The following GABRD variants were observed in gnomAD, a reference collection of about 807,000 sequenced individuals.
The protein encoded by GABRD is gamma-aminobutyric acid type A receptor subunit delta, also known as gamma-aminobutyric acid receptor subunit delta.
GABRD carries 25 observed loss-of-function variants against 47.3 expected under a neutral mutation model. That is an observed-to-expected ratio of 0.53 (90% CI 0.39 to 0.74). The LOEUF (loss-of-function observed/expected upper bound fraction) is 0.74, where lower values mean the gene tolerates loss of function less well. GABRD is among the 30% of genes least tolerant of loss of function. The pLI is 0.00. For missense variants in GABRD, 497 were observed against 643.4 expected (o/e 0.77, Z 2.46); for synonymous variants, 314 against 278.8 (o/e 1.13, Z -1.26).
chr1:2,027,266 C>T lies in GABRD; in HGVS notation c.471-311C>T. 8.9e-6 allele frequency: 4 copies of T among 451,208 alleles called. No homozygotes were observed. The Admixed American group carries it at 1.0e-4, about 12-fold the overall frequency. 28.0% of individuals were successfully genotyped at this position (451,208 alleles called of 1,614,324 possible). ...AACTCTGGGCCTATTCCCGTGTGTT[C>T]CTCAGCCATCGCTCGGGCCAGGGCC... On this transcript the variant is annotated intron_variant, in intron 4 of 8. Coordinates refer to ENST00000378585, the MANE Select transcript of GABRD (RefSeq NM_000815.5).
chr1:2,024,013 C>G (rs1344506661), intron 1 of GABRD: 1 of 152,488 alleles, frequency 6.6e-6, no homozygotes, highest in Non-Finnish European at 1.5e-5. Flanking sequence ...ACCCCAATCT[C>G]TGCCTCCTCT....
chr1:2,028,843 G>T lies in GABRD; in HGVS notation c.692-268G>T, dbSNP rs1659004071. On this transcript the variant is annotated intron_variant, in intron 6 of 8. Coordinates refer to ENST00000378585, the MANE Select transcript of GABRD (RefSeq NM_000815.5). This position sits in a 1 kb window ranked among gnomAD's most constrained non-coding sequence, Gnocchi z 6.4. ...TGGTTGCGAGGGTCCCTCAGGGCCA[G>T]TCCAGCAAACATGAGGCCAGCAGTA... The T allele has an allele frequency of 3.7e-6, 2 of 545,842 alleles. No individual in the cohort carries two copies. Among genetic ancestry groups the T allele is most frequent in the Admixed American group, 3.3e-5 (1 of 29,898 alleles). 33.8% of individuals were successfully genotyped at this position (545,842 alleles called of 1,614,324 possible). A position where few individuals can be genotyped will look rare whatever the true frequency, so the allele number is the denominator to read the frequency against.
In GABRD at chr1:2,030,055, C is replaced by T. The variant is rs1259972227; in HGVS notation, c.1132C>T (p.Arg378Cys). Residue 378 changes from arginine (R) to cysteine (C), a missense_variant, in exon 9 of 9, where the codon CGC becomes TGC. Transcript: ENST00000378585. ...CGTCACGCAGGAGCTGGCCATCTCC[C>T]GCCGGCAGCGCCGCGTCCCGGGGAA... ...AGVTQELAIS[R>C]RQRRVPGNLM... The T allele has an allele frequency of 6.8e-6, 11 of 1,611,340 alleles. No individual in the cohort carries two copies. The highest frequency in any genetic ancestry group is 1.1e-5 in the South Asian group (1 of 90,900).
rs780649573 is a variant in GABRD at position 2,025,401 on chromosome 1, G to A, written c.249G>A (p.Met83Ile). 8 of 1,612,930 alleles carry A rather than the reference G, an allele frequency of 5.0e-6. No homozygotes were observed. The highest frequency in any genetic ancestry group is 6.8e-6 in the Non-Finnish European group (8 of 1,179,974). Residue 83 changes from methionine to isoleucine, a missense_variant and splice_region_variant, in exon 3 of 9, where the codon ATG (methionine) becomes ATA (isoleucine). Physicochemically the swap from Met to Ile is conservative, Grantham distance 10. Transcript: ENST00000378585. Reference sequence around the variant, plus strand: ...TCGACCACATCTCAGAGGCCAACATGGTAGGTGCCACCAGCCTCTGCCTCA... The same window carrying A: ...TCGACCACATCTCAGAGGCCAACATAGTAGGTGCCACCAGCCTCTGCCTCA... ...ASIDHISEAN[M>I]EYTMTVFLHQ... is the part of the protein sequence containing the mutation.
At position 2,028,807 on chromosome 1, in the gene GABRD, G is replaced by A. The variant is rs887874271; in HGVS notation, c.692-304G>A. 1.1e-5 allele frequency: 5 copies of A among 458,910 alleles called. No homozygotes were observed. The Admixed American group carries it at 2.0e-4, about 18-fold the overall frequency. 28.4% of individuals were successfully genotyped at this position (458,910 alleles called of 1,614,324 possible). A position where few individuals can be genotyped will look rare whatever the true frequency, so the allele number is the denominator to read the frequency against. ...GGAGTGTTAGGAGAGAAAGGGGTGA[G>A]CCCTCCCCATTGGTTGCGAGGGTCC... On this transcript the variant is annotated intron_variant, in intron 6 of 8. Coordinates refer to ENST00000378585, the MANE Select transcript of GABRD (RefSeq NM_000815.5). The surrounding 1 kb of genome is among the most constrained non-coding windows in gnomAD (Gnocchi z 6.4).
intron 7 of GABRD, 127 bp downstream of exon 7, chr1:2,029,393 A>AGCCGG: frequency 1.4e-6 from 2 of 1,399,504 alleles, no homozygotes; most frequent in Admixed American, 2.1e-5. Context: ...GGCAGTGGCC[A>AGCCGG]GCCGGGCCAG....
chr1:2,020,363 A>G (rs2102141799), intron 1 of GABRD, among the ~76,000 whole-genome samples: 1 of 152,368 alleles, frequency 6.6e-6, no homozygotes, highest in African/African-American at 2.4e-5. Context: ...CAGAAGAAAC[A>G]GCAAAGAGCC....
In GABRD at chr1:2,028,121, G is replaced by A. The variant is rs532726947; in HGVS notation, c.554-34G>A. The A allele has an allele frequency of 1.9e-6, 3 of 1,594,254 alleles. No individual in the cohort carries two copies. The East Asian group carries it at 6.8e-5, about 36-fold the overall frequency. The stretch of plus-strand genomic sequence containing the variant: ...TGCCAGGGCTCCCGGGGCAGGGCCG[G>A]GCTCTGCCGCCCACCTGTGTGCTTT... On this transcript the variant is annotated intron_variant, in intron 5 of 8. Transcript: ENST00000378585. This position sits in a 1 kb window ranked among gnomAD's most constrained non-coding sequence, Gnocchi z 6.4.
rs574548115 is a variant in GABRD at position 2,027,899 on chromosome 1, G to T, written c.553+240G>T. On this transcript the variant is annotated intron_variant, in intron 5 of 8. Coordinates refer to ENST00000378585, the MANE Select transcript of GABRD (RefSeq NM_000815.5). ...ATGGAGCCCAGACATGGCACGGATT[G>T]ATATTGTTGAGCCAGTGCAGCAGCC... 8.1e-6 allele frequency: 5 copies of T among 617,372 alleles called. No homozygotes were observed. The South Asian group carries it at 9.7e-5, about 12-fold the overall frequency. The allele number at this position is 617,372 out of a possible 1,614,324, so 38.2% of individuals were successfully genotyped here. A position where few individuals can be genotyped will look rare whatever the true frequency, so the allele number is the denominator to read the frequency against.
In GABRD at chr1:2,029,966, C is replaced by G. The variant is rs568243066; in HGVS notation, c.1060-17C>G. 19 of 1,611,554 alleles carry G rather than the reference C, an allele frequency of 1.2e-5. No individual in the cohort carries two copies. Among genetic ancestry groups the G allele is most frequent in the Admixed American group, 5.0e-5 (3 of 59,822 alleles). On this transcript the variant is annotated splice_polypyrimidine_tract_variant and intron_variant, in intron 8 of 8. Coordinates refer to ENST00000378585, the MANE Select transcript of GABRD (RefSeq NM_000815.5). ...CCCCAGTGCTCAGCCCTGTCTCCCC[C>G]ACCGGCCTTCGTGCAGATGGACGTG...
chr1:2,025,147 G>A, intron 2 of GABRD, 93 bp downstream of exon 2: 1 of 1,314,052 alleles, frequency 7.6e-7, no homozygotes, highest in Non-Finnish European at 1.1e-6. Flanking sequence ...CTGGCCTCTA[G>A]GCAAGGAAGC....
chr1:2,029,389 G>A (rs1659020731), intron 7 of GABRD, 123 bp downstream of exon 7: 1 of 1,417,894 alleles, frequency 7.1e-7, no homozygotes, highest in East Asian at 2.5e-5. Flanking sequence ...CTGGGGCAGT[G>A]GCCAGCCGGG....
In GABRD at chr1:2,030,230, C is replaced by T. The variant is rs1489037858; in HGVS notation, c.1307C>T (p.Pro436Leu). 1 of 1,567,206 alleles carries T rather than the reference C, an allele frequency of 6.4e-7. No homozygotes were observed. The part of the protein sequence containing the change: ...TIDIYARAVF[P>L]AAFAAVNVIY... ...GACATTTACGCCCGCGCTGTGTTCC[C>T]TGCGGCGTTTGCGGCCGTCAATGTC... Residue 436 changes from proline to leucine, a missense_variant, in exon 9 of 9, where the codon CCT becomes CTT. Physicochemically the swap from Pro to Leu is moderately conservative, Grantham distance 98. Around this residue, in one of 3 missense-constraint regions of GABRD, gnomAD observed 121 missense variants for 121.3 expected, o/e 1.00. Transcript: ENST00000378585.
chr1:2,025,207 G>A (rs1332307227), intron 2 of GABRD, 127 bp from the exon 3 acceptor site: 2 of 1,323,196 alleles, frequency 1.5e-6, no homozygotes, highest in Admixed American at 1.8e-5. Context: ...CACAGAGACA[G>A]CCAGGGAGGT....
At chr1:2,029,896 G>A in intron 8 of GABRD, 87 bp from the exon 9 acceptor site, 1 of 1,564,090 alleles carries the variant, frequency 6.4e-7, no homozygotes, top group Admixed American at 1.7e-5. Flanking sequence ...TCCAGGCGGG[G>A]CCCCCGCATG....
chr1:2,025,127 G>A (rs1340906806), intron 2 of GABRD, 73 bp downstream of exon 2: 3 of 1,396,774 alleles, frequency 2.1e-6, no homozygotes, highest in Non-Finnish European at 3.0e-6. Flanking sequence ...GTGGCCCACT[G>A]GGCTGTAGGC....
At chr1:2,029,953 GC>G in intron 8 of GABRD, 29 bp from the exon 9 acceptor site, 1 of 1,610,292 alleles carries the variant, frequency 6.2e-7, no homozygotes, top group Non-Finnish European at 8.5e-7. Flanking sequence ...CCAGTGCTCA[GC>G]CCTGTCTCCC....
At chr1:2,026,605 G>T (rs930087174) in intron 4 of GABRD, 1 of 152,198 alleles carries the variant, frequency 6.6e-6, no homozygotes, top group Non-Finnish European at 1.5e-5. Flanking sequence ...GGAGGCCGAG[G>T]TGGGTGGATC....
chr1:2,021,106 C>G (rs377031988), intron 1 of GABRD, among the ~76,000 whole-genome samples: 2 of 152,254 alleles, frequency 1.3e-5, no homozygotes, highest in African/African-American at 4.8e-5. Flanking sequence ...CCTGCAGTCA[C>G]TCCCATCCCT....
Sources: gnomAD v4.1 joint callset for allele counts (sites outside exome capture counted in the v4.1 genomes callset) on GRCh38, gnomAD v4.1.1 for gene constraint, gnomAD v4.1.1 regional missense constraint, Gnocchi (gnomAD v3.1) non-coding constraint, MANE v1.5 for transcripts, NCBI Gene and HGNC (gene_info 2026-07-23, HGNC 2026-07-21) for gene names.